The following USH2A variants were observed in gnomAD, a reference collection of about 807,000 sequenced individuals.
USH2A encodes Usher syndrome 2A (autosomal recessive, mild).
In USH2A, 443 loss-of-function variants were observed where a neutral mutation model predicts 538.9. The observed-to-expected ratio is 0.82, with a 90% CI of 0.76 to 0.89. The LOEUF is 0.89. Ranked by LOEUF, USH2A falls within the 40% of genes least tolerant of loss-of-function variation. USH2A has a pLI of 0.00. For missense variants in USH2A, 6,633 were observed against 6,324.8 expected (o/e 1.05, Z -1.65); for synonymous variants, 2,413 against 2,273.5 (o/e 1.06, Z -1.75).
At chr1:215,812,250 T>C (rs1388888914) in intron 49 of USH2A, among the ~76,000 whole-genome samples, 1 of 151,996 alleles carries the variant, frequency 6.6e-6, no homozygotes, top group Non-Finnish European at 1.5e-5. Context: ...CCTCCCAAAG[T>C]GCTGGGATTA....
intron 30 of USH2A, among the ~76,000 whole-genome samples, chr1:216,069,257 C>A (rs1048787945): frequency 2.6e-5 from 4 of 152,078 alleles, no homozygotes; most frequent in Non-Finnish European, 5.9e-5. Flanking sequence ...ATTTGTTTTT[C>A]TTTTGCTAAA....
chr1:215,674,024 A>T, intron 63 of USH2A, 76 bp downstream of exon 63: 3 of 1,612,718 alleles, frequency 1.9e-6, no homozygotes, highest in Non-Finnish European at 2.5e-6. Flanking sequence ...AGTCTTCATT[A>T]GAACTGACCA....
chr1:216,046,380 T>G, intron 32 of USH2A, 51 bp downstream of exon 32: 1 of 1,608,912 alleles, frequency 6.2e-7, no homozygotes, highest in Non-Finnish European at 8.5e-7. Context: ...TATGTATGTT[T>G]ATATTTGAAT....
In USH2A at chr1:216,335,553, A is replaced by G. The variant is rs143913278; in HGVS notation, c.785-7899T>C. Among the ~76,000 whole-genome samples, 609 of 151,658 alleles carry G rather than the reference A, an allele frequency of 4.0e-3. 4 individuals carry two copies. The highest frequency in any genetic ancestry group is 0.014 in the African/African-American group (576 of 41,514). ...TCAACTAGACTAGCCAAGAAAAGAGATGACTCTAATGATTAAAATCAGGAA... is the reference window on the plus strand; with the variant it reads ...TCAACTAGACTAGCCAAGAAAAGAGGTGACTCTAATGATTAAAATCAGGAA... On this transcript the variant is annotated intron_variant, in intron 4 of 71. Transcript: ENST00000307340.
intron 45 of USH2A, among the ~76,000 whole-genome samples, chr1:215,845,004 T>C (rs564915386): frequency 6.6e-6 from 1 of 152,204 alleles, no homozygotes; most frequent in Non-Finnish European, 1.5e-5. Flanking sequence ...TGATTTTGAA[T>C]GTTGATTACC....
chr1:216,192,846 AG>A (rs1371615808), intron 19 of USH2A, among the ~76,000 whole-genome samples: 1 of 152,166 alleles, frequency 6.6e-6, no homozygotes. Context: ...TAGTTTATAA[AG>A]TATAATGTAG....
intron 49 of USH2A, among the ~76,000 whole-genome samples, chr1:215,805,212 C>T (rs1279752149): frequency 2.0e-5 from 3 of 151,844 alleles, no homozygotes; most frequent in South Asian, 2.1e-4. Context: ...TGCAACATAC[C>T]AACATGGCAC....
intron 11 of USH2A, among the ~76,000 whole-genome samples, 162 bp downstream of exon 11, chr1:216,289,118 C>G (rs1049391391): frequency 6.6e-6 from 1 of 152,144 alleles, no homozygotes; most frequent in Non-Finnish European, 1.5e-5. Context: ...TATTTCATGT[C>G]CATACTCAAA....
At chr1:215,949,544 A>G (rs1017119330) in intron 37 of USH2A, among the ~76,000 whole-genome samples, 3 of 152,112 alleles carry the variant, frequency 2.0e-5, no homozygotes, top group Admixed American at 6.5e-5. Flanking sequence ...TAAATAATTA[A>G]GATGTTGAAA....
chr1:216,126,804 T>C (rs1483701384), intron 21 of USH2A, among the ~76,000 whole-genome samples: 2 of 152,188 alleles, frequency 1.3e-5, no homozygotes, highest in East Asian at 3.9e-4. Flanking sequence ...CCAAGCAGTA[T>C]TTCACTGGAC....
At chr1:216,251,734 C>T (rs1240241428) in intron 11 of USH2A, among the ~76,000 whole-genome samples, 4 of 152,040 alleles carry the variant, frequency 2.6e-5, no homozygotes, top group African/African-American at 9.7e-5. Context: ...ATCACTGCAC[C>T]CAGCCCACCT....
intron 4 of USH2A, among the ~76,000 whole-genome samples, chr1:216,353,393 T>A (rs2038323810): frequency 6.7e-6 from 1 of 150,352 alleles, no homozygotes; most frequent in Non-Finnish European, 1.5e-5. Context: ...TGAAACAAGA[T>A]CCAATGGCTA....
At chr1:216,160,711 G>A (rs773369269) in intron 21 of USH2A, among the ~76,000 whole-genome samples, 3 of 152,112 alleles carry the variant, frequency 2.0e-5, no homozygotes, top group Non-Finnish European at 4.4e-5. Flanking sequence ...TGGAAGTGAT[G>A]TTCTACATAT....
chr1:215,810,225 C>T (rs917882161), intron 49 of USH2A, among the ~76,000 whole-genome samples: 2 of 152,088 alleles, frequency 1.3e-5, no homozygotes, highest in South Asian at 2.1e-4. Context: ...ACAGACAATA[C>T]ATATTTTTTA....
At chr1:215,827,754 G>A (rs138492598) in intron 47 of USH2A, among the ~76,000 whole-genome samples, 1 of 152,016 alleles carries the variant, frequency 6.6e-6, no homozygotes, top group Non-Finnish European at 1.5e-5. Flanking sequence ...GTCTACAATT[G>A]CCCATATTGG....
chr1:215,633,698 A>G (rs895311762), intron 70 of USH2A, among the ~76,000 whole-genome samples: 1 of 152,186 alleles, frequency 6.6e-6, no homozygotes, highest in African/African-American at 2.4e-5. Context: ...GTGGGCGCCC[A>G]GCTTTGGTGA....
At chr1:216,401,366 A>G (rs1291649071) in intron 3 of USH2A, among the ~76,000 whole-genome samples, 1 of 152,122 alleles carries the variant, frequency 6.6e-6, no homozygotes, top group Admixed American at 6.5e-5. Flanking sequence ...AGGTCAGAAA[A>G]GAGAAATGCA....
chr1:215,686,509 G>A (rs544828441), intron 61 of USH2A, among the ~76,000 whole-genome samples: 4 of 152,186 alleles, frequency 2.6e-5, no homozygotes, highest in African/African-American at 9.6e-5. Context: ...GATTGTGGCT[G>A]GAAAGGGGAT....
chr1:216,355,039 G>T (rs922184519), intron 4 of USH2A, among the ~76,000 whole-genome samples: 1 of 152,004 alleles, frequency 6.6e-6, no homozygotes, highest in African/African-American at 2.4e-5. Context: ...CAGGCATGGT[G>T]GCTCACACTT....
Sources: gnomAD v4.1 joint callset for allele counts (sites outside exome capture counted in the v4.1 genomes callset) on GRCh38, gnomAD v4.1.1 for gene constraint, MANE v1.5 for transcripts, NCBI Gene and HGNC (gene_info 2026-07-23, HGNC 2026-07-21) for gene names.